NLGN4X: variants seen among roughly 807,000 people sequenced by gnomAD.
NLGN4X encodes the protein neuroligin 4 X-linked, also known as neuroligin-4, X-linked.
A neutral mutation model predicts 40.3 loss-of-function variants in NLGN4X; 3 were observed. That is an observed-to-expected ratio of 0.07 (90% CI 0.03 to 0.19). The LOEUF is 0.19. Among genes scored for constraint, NLGN4X ranks in the 10% least tolerant of loss-of-function variants. The pLI is 1.00. For synonymous variants in NLGN4X, 270 were observed against 306.8 expected, an observed-to-expected ratio of 0.88 and a Z score of 1.25; for missense variants, 382 against 708.3, an observed-to-expected ratio of 0.54 and a Z score of 5.23.
chrX:6,013,684 C>A (rs922535398), intron 3 of NLGN4X, among the ~76,000 whole-genome samples: 1 of 109,305 alleles, frequency 9.1e-6, no homozygotes, highest in Non-Finnish European at 1.9e-5. Context: ...CATGGTGAAA[C>A]CCCCTCTGTA....
chrX:6,200,621 G>A (rs1201504164), intron 1 of NLGN4X, among the ~76,000 whole-genome samples: 2 of 108,705 alleles, frequency 1.8e-5, no homozygotes, highest in East Asian at 2.9e-4. Context: ...TGTCAAGGCC[G>A]CCTTCAACAC....
At chrX:6,214,471 C>G (rs1187009036) in intron 1 of NLGN4X, among the ~76,000 whole-genome samples, 1 of 111,781 alleles carries the variant, frequency 8.9e-6, no homozygotes, top group Non-Finnish European at 1.9e-5. Context: ...AAAAGAGGGT[C>G]GTGGAGCCTC....
At chrX:6,051,589 A>G (rs1241031595) in intron 2 of NLGN4X, among the ~76,000 whole-genome samples, 2 of 110,748 alleles carry the variant, frequency 1.8e-5, no homozygotes, top group Non-Finnish European at 3.8e-5. Flanking sequence ...GGAGAGAGAC[A>G]AGGAACAAAT....
At chrX:6,116,304 A>C (rs1295939893) in intron 2 of NLGN4X, among the ~76,000 whole-genome samples, 44 of 101,239 alleles carry the variant, frequency 4.3e-4, no homozygotes, top group Non-Finnish European at 7.6e-4. Flanking sequence ...AAAAAAAAAA[A>C]AAAAAAAAAA....
intron 3 of NLGN4X, among the ~76,000 whole-genome samples, chrX:6,021,438 T>C (rs6639580): frequency 0.34 from 37,161 of 109,492 alleles, 5,379 homozygotes; most frequent in East Asian, 0.77. Flanking sequence ...CAGGTCCTAA[T>C]GACAAAGCAC....
At chrX:6,117,379 G>C (rs1049255865) in intron 2 of NLGN4X, among the ~76,000 whole-genome samples, 1 of 110,751 alleles carries the variant, frequency 9.0e-6, no homozygotes, top group African/African-American at 3.3e-5. Flanking sequence ...TACAGCCTAG[G>C]TTCAATGCAT....
chrX:6,012,925 C>A (rs1025221714), intron 3 of NLGN4X, among the ~76,000 whole-genome samples: 1 of 111,780 alleles, frequency 8.9e-6, no homozygotes, highest in Non-Finnish European at 1.9e-5. Flanking sequence ...CATTTGTGGT[C>A]ATTTGTTATG....
chrX:5,915,535 A>G (rs1407901096), intron 3 of NLGN4X, among the ~76,000 whole-genome samples: 1 of 112,243 alleles, frequency 8.9e-6, no homozygotes, highest in Non-Finnish European at 1.9e-5. Context: ...CTTTGAGTCA[A>G]CTTTGAGTCT....
rs1569143828 is a variant in NLGN4X at position 5,941,180 on chromosome X, G to GTGTGTGTGTGT, written c.626-31942_626-31941insACACACACACA. On this transcript the variant is annotated intron_variant, in intron 3 of 5. Coordinates refer to ENST00000381095, the MANE Select transcript of NLGN4X (RefSeq NM_181332.3). ...CGTTGTTCTGGATCGTATGCTAGGG[G>GTGTGTGTGTGT]GTGTGTGTGTGTGTGTGTGTGTGTG... is the stretch of plus-strand genomic sequence containing the variant. Among the ~76,000 whole-genome samples the GTGTGTGTGTGT allele has an allele frequency of 2.9e-3, 169 of 58,615 alleles. 2 individuals carry two copies. The highest frequency in any genetic ancestry group is 4.4e-3 in the African/African-American group (76 of 17,288). 50.9% of individuals were successfully genotyped at this position (58,615 alleles called of 115,157 possible).
intron 2 of NLGN4X, among the ~76,000 whole-genome samples, chrX:6,083,395 G>A (rs1400915481): frequency 8.9e-6 from 1 of 111,838 alleles, no homozygotes; most frequent in Non-Finnish European, 1.9e-5. Context: ...CTAGAACTAT[G>A]AGAAATACAT....
At chrX:6,156,233 G>A (rs34035486) in intron 1 of NLGN4X, among the ~76,000 whole-genome samples, 28,468 of 111,328 alleles carry the variant, frequency 0.26, 2,665 homozygotes, top group Admixed American at 0.29. Context: ...CAAATCAGCC[G>A]GCGCGGTGGC....
At chrX:5,968,457 C>CTCTCTCTCTGTGTGTGTG (rs1192942244) in intron 3 of NLGN4X, among the ~76,000 whole-genome samples, 6 of 47,022 alleles carry the variant, frequency 1.3e-4, no homozygotes, top group African/African-American at 6.6e-4. Context: ...CTCTCTCTCT[C>CTCTCTCTCTGTGTGTGTG]TGTGTGTGTG....
At position 6,226,321 on chromosome X, in the gene NLGN4X, CG is replaced by C. The variant is rs1443903120; in HGVS notation, c.-306+2219del. Among the ~76,000 whole-genome samples the C allele has an allele frequency of 9.7e-5, 10 of 102,999 alleles. No individual in the cohort carries two copies. In the East Asian group the frequency reaches 2.3e-3, roughly 24 times the overall value. The allele number at this position is 102,999 out of a possible 115,157, so 89.4% of individuals were successfully genotyped here. ...GGCAGAGAAAAAGAAACCCGCAGTCCGGAAAAAAAAAAAGCCTTCTGGGGAA... is the reference window on the plus strand; with the variant it reads ...GGCAGAGAAAAAGAAACCCGCAGTCCGAAAAAAAAAAAGCCTTCTGGGGAA... On this transcript the variant is annotated intron_variant, in intron 1 of 5. Coordinates refer to ENST00000381095, the MANE Select transcript of NLGN4X (RefSeq NM_181332.3).
At chrX:6,045,894 AAAG>A (rs1297259210) in intron 2 of NLGN4X, among the ~76,000 whole-genome samples, 5 of 111,654 alleles carry the variant, frequency 4.5e-5, no homozygotes, top group Non-Finnish European at 7.5e-5. Context: ...AAAATATCAG[AAAG>A]AAGGAGACAA....
chrX:6,127,490 T>TC (rs1259532274), intron 2 of NLGN4X, among the ~76,000 whole-genome samples: 1 of 112,165 alleles, frequency 8.9e-6, no homozygotes, highest in Non-Finnish European at 1.9e-5. Flanking sequence ...GTGCCTGTAA[T>TC]CCCAGCTACT....
chrX:6,204,864 C>T (rs759619615), intron 1 of NLGN4X, among the ~76,000 whole-genome samples: 11 of 111,528 alleles, frequency 9.9e-5, no homozygotes, highest in Non-Finnish European at 1.7e-4. Context: ...AACAATGTAC[C>T]GAAGACTATC....
At chrX:5,913,824 T>G (rs1270204807) in intron 3 of NLGN4X, among the ~76,000 whole-genome samples, 1 of 111,855 alleles carries the variant, frequency 8.9e-6, no homozygotes, top group Admixed American at 9.5e-5. Flanking sequence ...AGGGACCCAG[T>G]AGGAGGTAAC....
intron 3 of NLGN4X, among the ~76,000 whole-genome samples, chrX:6,015,877 G>A (rs919600472): frequency 8.9e-6 from 1 of 111,843 alleles, no homozygotes; most frequent in Non-Finnish European, 1.9e-5. Context: ...AATATTCAGA[G>A]TCATTGGTCA....
chrX:5,948,542 G>C (rs5961387), intron 3 of NLGN4X, among the ~76,000 whole-genome samples: 34,274 of 110,755 alleles, frequency 0.31, 5,068 homozygotes, highest in African/African-American at 0.59. Context: ...GTTACTTCTC[G>C]TCCTGTAAGG....
Sources: gnomAD v4.1 joint callset for allele counts (sites outside exome capture counted in the v4.1 genomes callset) on GRCh38, gnomAD v4.1.1 for gene constraint, MANE v1.5 for transcripts, NCBI Gene and HGNC (gene_info 2026-07-23, HGNC 2026-07-21) for gene names.